HS6ST3: variants seen among roughly 807,000 people sequenced by gnomAD.
HS6ST3 encodes heparan sulfate 6-O-sulfotransferase 3, also known as heparan-sulfate 6-O-sulfotransferase 3.
A neutral mutation model predicts 36.7 loss-of-function variants in HS6ST3; 12 were observed. The ratio of observed to expected loss-of-function variants is 0.33; its 90% CI spans 0.21 to 0.53. HS6ST3 has a LOEUF of 0.53. Ranked by LOEUF, HS6ST3 falls within the 20% of genes least tolerant of loss-of-function variation. HS6ST3 has a pLI of 0.95. For missense variants in HS6ST3, 584 were observed against 640.9 expected (o/e 0.91, Z 0.96); for synonymous variants, 240 against 257.5 (o/e 0.93, Z 0.65).
chr13:96,132,736 T>C (rs1403418985), intron 1 of HS6ST3, among the ~76,000 whole-genome samples: 1 of 152,158 alleles, frequency 6.6e-6, no homozygotes, highest in Non-Finnish European at 1.5e-5. Flanking sequence ...ATACTCCCCA[T>C]CAATAGTGTA....
intron 1 of HS6ST3, among the ~76,000 whole-genome samples, chr13:96,511,219 A>G (rs1362704976): frequency 6.6e-6 from 1 of 152,150 alleles, no homozygotes; most frequent in Admixed American, 6.5e-5. Context: ...GCTGAGATGG[A>G]CACGCTTTAC....
At chr13:96,390,978 A>C (rs2139451620) in intron 1 of HS6ST3, among the ~76,000 whole-genome samples, 1 of 152,236 alleles carries the variant, frequency 6.6e-6, no homozygotes, top group South Asian at 2.1e-4. Context: ...AGCCACATAT[A>C]ATGTTTTTTT....
At chr13:96,824,094 C>T (rs1204296102) in intron 1 of HS6ST3, among the ~76,000 whole-genome samples, 1 of 152,198 alleles carries the variant, frequency 6.6e-6, no homozygotes, top group African/African-American at 2.4e-5. Flanking sequence ...GAGCCTCTCC[C>T]CTCTTGAGGG....
chr13:96,443,252 C>T (rs531005266), intron 1 of HS6ST3, among the ~76,000 whole-genome samples: 7 of 151,672 alleles, frequency 4.6e-5, no homozygotes, highest in African/African-American at 7.3e-5. Context: ...CAGACTAGGC[C>T]GGGTGCGGTG....
chr13:96,329,188 C>T lies in HS6ST3; in HGVS notation c.707+237619C>T, dbSNP rs539989655. On this transcript the variant is annotated intron_variant, in intron 1 of 1. Coordinates refer to ENST00000376705, the MANE Select transcript of HS6ST3 (RefSeq NM_153456.4). ...TTTTGTGTCTCTATTTCCTTCAGTTCTGCTCTGATTTTAGTTATTTCTTGC... is the reference window on the plus strand; with the variant it reads ...TTTTGTGTCTCTATTTCCTTCAGTTTTGCTCTGATTTTAGTTATTTCTTGC... Among the ~76,000 whole-genome samples, 18 of 146,594 alleles carry T rather than the reference C, an allele frequency of 1.2e-4. No homozygotes were observed. The East Asian group carries it at 3.6e-3, about 29-fold the overall frequency.
chr13:96,824,223 A>G (rs1240611426), intron 1 of HS6ST3, among the ~76,000 whole-genome samples: 2 of 152,260 alleles, frequency 1.3e-5, no homozygotes, highest in Admixed American at 6.5e-5. Flanking sequence ...CTAAGTCAGC[A>G]TGAGGGAGAA....
chr13:96,464,293 T>C (rs748136345), intron 1 of HS6ST3, among the ~76,000 whole-genome samples: 1 of 152,040 alleles, frequency 6.6e-6, no homozygotes, highest in Non-Finnish European at 1.5e-5. Flanking sequence ...TTCTCTGCTA[T>C]ATAAACTCCT....
At chr13:96,203,806 A>G (rs2054355388) in intron 1 of HS6ST3, among the ~76,000 whole-genome samples, 1 of 152,244 alleles carries the variant, frequency 6.6e-6, no homozygotes, top group Non-Finnish European at 1.5e-5. Flanking sequence ...GAAAATACAG[A>G]AAAGTAAGGA....
chr13:96,164,414 C>T (rs977696918), intron 1 of HS6ST3, among the ~76,000 whole-genome samples: 3 of 152,004 alleles, frequency 2.0e-5, no homozygotes, highest in Non-Finnish European at 2.9e-5. Flanking sequence ...TGAAAATTAG[C>T]CTGGCGTGGT....
chr13:96,131,952 C>T (rs1426646905), intron 1 of HS6ST3, among the ~76,000 whole-genome samples: 1 of 151,918 alleles, frequency 6.6e-6, no homozygotes, highest in Non-Finnish European at 1.5e-5. Flanking sequence ...TTTTATAAAA[C>T]ATTACACTCT....
intron 1 of HS6ST3, among the ~76,000 whole-genome samples, chr13:96,456,826 T>G (rs1463245320): frequency 6.6e-6 from 1 of 152,078 alleles, no homozygotes; most frequent in Non-Finnish European, 1.5e-5. Flanking sequence ...TACTGTGTAG[T>G]CTTGATGCTA....
intron 1 of HS6ST3, among the ~76,000 whole-genome samples, chr13:96,358,384 C>T (rs1458236284): frequency 1.3e-5 from 2 of 152,236 alleles, no homozygotes; most frequent in East Asian, 3.9e-4. Context: ...ATCTTGTAGT[C>T]TATGACTCCA....
At chr13:96,495,791 C>T (rs372069306) in intron 1 of HS6ST3, among the ~76,000 whole-genome samples, 6 of 152,154 alleles carry the variant, frequency 3.9e-5, no homozygotes, top group Admixed American at 2.0e-4. Flanking sequence ...ACCACTAATA[C>T]TAGATTTGCA....
At chr13:96,420,053 A>G (rs1220283997) in intron 1 of HS6ST3, among the ~76,000 whole-genome samples, 1 of 152,204 alleles carries the variant, frequency 6.6e-6, no homozygotes, top group Non-Finnish European at 1.5e-5. Flanking sequence ...AGTTTGGGGT[A>G]CAACCTCATA....
At chr13:96,118,674 A>ATATATATG (rs2053908269) in intron 1 of HS6ST3, among the ~76,000 whole-genome samples, 1 of 21,472 alleles carries the variant, frequency 4.7e-5, no homozygotes, top group African/African-American at 2.0e-4. Flanking sequence ...ATATATATAT[A>ATATATATG]TATATATATA....
intron 1 of HS6ST3, among the ~76,000 whole-genome samples, chr13:96,397,358 T>C (rs2055427357): frequency 6.6e-6 from 1 of 152,250 alleles, no homozygotes; most frequent in Non-Finnish European, 1.5e-5. Context: ...TAAATATTTC[T>C]GAAGATATGT....
At chr13:96,722,602 T>G (rs913899016) in intron 1 of HS6ST3, among the ~76,000 whole-genome samples, 1 of 152,226 alleles carries the variant, frequency 6.6e-6, no homozygotes, top group African/African-American at 2.4e-5. Flanking sequence ...AGTAACTTAC[T>G]TGAACTCTGG....
chr13:96,249,496 C>CA (rs2054598370), intron 1 of HS6ST3, among the ~76,000 whole-genome samples: 2 of 152,016 alleles, frequency 1.3e-5, no homozygotes, highest in South Asian at 4.1e-4. Context: ...GAAAAACTGA[C>CA]AGAGAAGTAG....
At chr13:96,760,999 A>G (rs1461189691) in intron 1 of HS6ST3, among the ~76,000 whole-genome samples, 3 of 152,126 alleles carry the variant, frequency 2.0e-5, no homozygotes, top group Non-Finnish European at 4.4e-5. Context: ...TTCAGCATCC[A>G]ATGCTCTTGC....
Sources: allele counts gnomAD v4.1 joint callset (sites outside exome capture counted in the v4.1 genomes callset), GRCh38; gene constraint gnomAD v4.1.1; transcripts MANE v1.5; gene names NCBI Gene and HGNC (gene_info 2026-07-23, HGNC 2026-07-21).